Variants in PKN2 observed in about 807,000 individuals in gnomAD.
PKN2 encodes the protein serine/threonine-protein kinase N2.
Under a neutral mutation model 119.1 loss-of-function variants are expected in PKN2, and 38 were observed. The ratio of observed to expected loss-of-function variants is 0.32; its 90% CI spans 0.25 to 0.42. PKN2 has a LOEUF of 0.42. Among genes scored for constraint, PKN2 ranks in the 10% least tolerant of loss-of-function variants. PKN2 has a pLI of 1.00. For missense variants in PKN2, 850 were observed against 1,165.1 expected (o/e 0.73, Z 3.94); for synonymous variants, 390 against 384.9 (o/e 1.01, Z -0.15).
chr1:88,715,705 T>C (rs1667421181), intron 1 of PKN2, among the ~76,000 whole-genome samples: 1 of 152,346 alleles, frequency 6.6e-6, no homozygotes, highest in South Asian at 2.1e-4. Context: ...TTAGTCTTGC[T>C]AGCGGTCCAT....
intron 1 of PKN2, among the ~76,000 whole-genome samples, chr1:88,690,170 C>T (rs955305829): frequency 2.0e-5 from 3 of 152,104 alleles, no homozygotes; most frequent in East Asian, 1.9e-4. Flanking sequence ...AGTAGGGGCA[C>T]CTTTTAGACA....
chr1:88,799,414 T>G (rs920097537), intron 8 of PKN2, among the ~76,000 whole-genome samples: 1 of 152,188 alleles, frequency 6.6e-6, no homozygotes, highest in Non-Finnish European at 1.5e-5. Flanking sequence ...TATTATTGTT[T>G]CTTGAGGTGG....
intron 1 of PKN2, among the ~76,000 whole-genome samples, chr1:88,688,012 T>C (rs980241577): frequency 6.6e-6 from 1 of 152,172 alleles, no homozygotes; most frequent in East Asian, 1.9e-4. Context: ...AGTTCAAGAA[T>C]GTTAAGGAAA....
intron 2 of PKN2, among the ~76,000 whole-genome samples, chr1:88,746,359 A>C: frequency 6.6e-6 from 1 of 152,250 alleles, no homozygotes; most frequent in Non-Finnish European, 1.5e-5. Flanking sequence ...AATATTTATA[A>C]ATTATATATT....
intron 1 of PKN2, among the ~76,000 whole-genome samples, chr1:88,733,885 A>C (rs1477244038): frequency 1.3e-5 from 2 of 152,210 alleles, no homozygotes; most frequent in Admixed American, 6.5e-5. Context: ...AAAAGGTTTC[A>C]TAGTGGCTCA....
rs924424928 is a variant in PKN2, at chr1:88,800,981, G to A, written c.1282-3410G>A. ...GTAGTTTTACTCCGTCTAGAATATC[G>A]TTGCTCCTAGAGTTTGAAATTATCT... On this transcript the variant is annotated intron_variant, in intron 8 of 21. Coordinates refer to ENST00000370521, the MANE Select transcript of PKN2 (RefSeq NM_006256.4). 2.6e-5 allele frequency among the ~76,000 whole-genome samples: 4 copies of A among 152,016 alleles called. No individual in the cohort carries two copies. In the East Asian group the frequency reaches 5.8e-4, roughly 22 times the overall value.
chr1:88,781,589 A>G (rs1320772289), intron 6 of PKN2, among the ~76,000 whole-genome samples: 1 of 152,102 alleles, frequency 6.6e-6, no homozygotes, highest in East Asian at 1.9e-4. Flanking sequence ...GCTATTTCTA[A>G]TGTGTTTATA....
chr1:88,689,892 A>G (rs576430134), intron 1 of PKN2, among the ~76,000 whole-genome samples: 1 of 152,364 alleles, frequency 6.6e-6, no homozygotes, highest in Admixed American at 6.5e-5. Context: ...ATAGCAATAC[A>G]GTGTGTTTTT....
At chr1:88,821,801 C>A in intron 16 of PKN2, 140 bp from the exon 17 acceptor site, 1 of 617,200 alleles carries the variant, frequency 1.6e-6, no homozygotes, top group Non-Finnish European at 2.5e-6. Flanking sequence ...ATATCTAGCA[C>A]AATGTGATAC....
intron 16 of PKN2, among the ~76,000 whole-genome samples, chr1:88,818,035 CA>C (rs745877708): frequency 3.9e-4 from 60 of 152,212 alleles, no homozygotes; most frequent in Non-Finnish European, 7.2e-4. Context: ...TCTCAGGATA[CA>C]AATCAATGTG....
chr1:88,758,835 C>G (rs1669324164), intron 2 of PKN2, among the ~76,000 whole-genome samples: 1 of 152,032 alleles, frequency 6.6e-6, no homozygotes, highest in South Asian at 2.1e-4. Flanking sequence ...GTGAATAGTA[C>G]TACAATGAAT....
chr1:88,784,192 T>C (rs1557608926), intron 6 of PKN2, among the ~76,000 whole-genome samples: 1 of 148,078 alleles, frequency 6.8e-6, no homozygotes, highest in Non-Finnish European at 1.5e-5. Flanking sequence ...GGTGCAATCT[T>C]GGCTCACTGC....
At chr1:88,820,256 G>A (rs983158940) in intron 16 of PKN2, among the ~76,000 whole-genome samples, 6 of 128,656 alleles carry the variant, frequency 4.7e-5, no homozygotes, top group African/African-American at 1.9e-4. Context: ...ATAAAAATGC[G>A]AGGCACCATG....
intron 8 of PKN2, among the ~76,000 whole-genome samples, chr1:88,800,388 T>A (rs1183455771): frequency 6.6e-6 from 1 of 152,244 alleles, no homozygotes; most frequent in East Asian, 1.9e-4. Context: ...TGTTGTACAC[T>A]ATATAACTTC....
intron 1 of PKN2, among the ~76,000 whole-genome samples, chr1:88,711,933 A>G (rs753943105): frequency 6.6e-6 from 1 of 152,156 alleles, no homozygotes; most frequent in Non-Finnish European, 1.5e-5. Context: ...GTATGTATAC[A>G]TGTATATATA....
At chr1:88,761,612 TAAAAAAA>T (rs368283566) in intron 3 of PKN2, among the ~76,000 whole-genome samples, 50 of 102,024 alleles carry the variant, frequency 4.9e-4, no homozygotes, top group Middle Eastern at 5.7e-3. Flanking sequence ...CCTGTCTCTT[TAAAAAAA>T]AAAAAAAAAA....
At chr1:88,727,242 T>A (rs1667936062) in intron 1 of PKN2, among the ~76,000 whole-genome samples, 2 of 152,118 alleles carry the variant, frequency 1.3e-5, no homozygotes, top group African/African-American at 4.8e-5. Flanking sequence ...TTACTTTTTT[T>A]ATTAATGTTT....
chr1:88,797,524 C>A (rs1190583347), intron 8 of PKN2, among the ~76,000 whole-genome samples: 1 of 151,574 alleles, frequency 6.6e-6, no homozygotes, highest in Non-Finnish European at 1.5e-5. Flanking sequence ...CACCTGTAGT[C>A]CCAGCTACTC....
chr1:88,788,206 C>T (rs1670661816), intron 8 of PKN2, among the ~76,000 whole-genome samples: 1 of 151,982 alleles, frequency 6.6e-6, no homozygotes, highest in Non-Finnish European at 1.5e-5. Context: ...TGATCTAGAT[C>T]TAGAATGATC....
Sources: allele counts gnomAD v4.1 joint callset (sites outside exome capture counted in the v4.1 genomes callset), GRCh38; gene constraint gnomAD v4.1.1; transcripts MANE v1.5; gene names NCBI Gene and HGNC (gene_info 2026-07-23, HGNC 2026-07-21).